DCC: variants seen among roughly 807,000 people sequenced by gnomAD.
The protein encoded by DCC is DCC netrin 1 receptor.
Under a neutral mutation model 172.5 loss-of-function variants are expected in DCC, and 58 were observed. The ratio of observed to expected loss-of-function variants is 0.34; its 90% confidence interval spans 0.27 to 0.42. The LOEUF (loss-of-function observed/expected upper bound fraction) is 0.42, where lower values mean the gene tolerates loss of function less well. DCC is among the 10% of genes least tolerant of loss of function. The probability of loss-of-function intolerance (pLI) is 1.00; values close to 1 mark genes in which losing one functional copy is unlikely to be tolerated. For missense variants in DCC, 1,740 were observed against 1,791.0 expected (o/e 0.97, Z 0.51); for synonymous variants, 709 against 644.5 (o/e 1.10, Z -1.52).
At chr18:52,678,789 T>A (rs531989889) in intron 1 of DCC, among the ~76,000 whole-genome samples, 1 of 152,210 alleles carries the variant, frequency 6.6e-6, no homozygotes, top group African/African-American at 2.4e-5. Context: ...GCCTTCATTA[T>A]CCCCTTTCTG....
chr18:52,970,123 T>TA (rs1413748744), intron 5 of DCC, among the ~76,000 whole-genome samples: 1 of 152,132 alleles, frequency 6.6e-6, no homozygotes, highest in Non-Finnish European at 1.5e-5. Flanking sequence ...TAAATGCTCC[T>TA]AGGAAGATAT....
At chr18:53,221,040 G>T (rs1409754506) in intron 12 of DCC, among the ~76,000 whole-genome samples, 2 of 152,004 alleles carry the variant, frequency 1.3e-5, no homozygotes, top group Admixed American at 1.3e-4. Context: ...ATAAGATTGT[G>T]TTTGGTCTAT....
intron 2 of DCC, among the ~76,000 whole-genome samples, chr18:52,824,720 C>T (rs986187236): frequency 1.3e-5 from 2 of 152,058 alleles, no homozygotes; most frequent in Non-Finnish European, 2.9e-5. Flanking sequence ...CCTGTAATCC[C>T]AGCACTTTGG....
chr18:53,434,876 A>G (rs1391477662), intron 21 of DCC, among the ~76,000 whole-genome samples: 1 of 152,228 alleles, frequency 6.6e-6, no homozygotes, highest in East Asian at 1.9e-4. Context: ...GACTTTAATA[A>G]GAATATTGGG....
intron 1 of DCC, among the ~76,000 whole-genome samples, chr18:52,673,098 G>A (rs2035583008): frequency 6.6e-6 from 1 of 152,150 alleles, no homozygotes; most frequent in Admixed American, 6.5e-5. Flanking sequence ...TTAATTTAGT[G>A]TATTTTGTAT....
intron 2 of DCC, among the ~76,000 whole-genome samples, chr18:52,869,936 G>A (rs1002157163): frequency 1.3e-4 from 20 of 152,294 alleles, no homozygotes; most frequent in African/African-American, 3.6e-4. Flanking sequence ...TGGGTCCTGC[G>A]ACAGGGAGGG....
At chr18:53,397,790 A>G (rs1428599270) in intron 18 of DCC, among the ~76,000 whole-genome samples, 1 of 152,156 alleles carries the variant, frequency 6.6e-6, no homozygotes, top group African/African-American at 2.4e-5. Flanking sequence ...TCTTTGAACA[A>G]TTGTCATGGT....
At chr18:52,471,052 A>G (rs1456166139) in intron 1 of DCC, among the ~76,000 whole-genome samples, 2 of 152,192 alleles carry the variant, frequency 1.3e-5, no homozygotes, top group Non-Finnish European at 2.9e-5. Flanking sequence ...CACGCTGAGA[A>G]TAGAATATCA....
At position 53,164,397 on chromosome 18, in the gene DCC, C is replaced by T. The variant is rs545111389; in HGVS notation, c.1418+6885C>T. On this transcript the variant is annotated intron_variant, in intron 8 of 28. Coordinates refer to ENST00000442544, the MANE Select transcript of DCC (RefSeq NM_005215.4). The stretch of plus-strand genomic sequence containing the variant: ...AGTAGCTAGGACTACAGGTGCATGC[C>T]GCCATGCCTGGCTAAGTTTTTGTAT... Among the ~76,000 whole-genome samples the T allele has an allele frequency of 1.6e-4, 24 of 152,170 alleles. No homozygotes were observed. In the South Asian group the frequency reaches 1.7e-3, roughly 11 times the overall value.
chr18:53,402,359 C>T (rs769017328), intron 18 of DCC, among the ~76,000 whole-genome samples: 1 of 150,104 alleles, frequency 6.7e-6, no homozygotes, highest in Non-Finnish European at 1.5e-5. Context: ...CACTGCACTC[C>T]AGCCTAGGTA....
rs549298112 is a variant in DCC at position 52,340,632 on chromosome 18, GGAGGTGGAGAAA to G, written c.-146_-135del. On this transcript the variant is annotated 5_prime_UTR_variant, in exon 1 of 29. Transcript: ENST00000442544. ...GCTTCGAAGGCAGCAGAGGCGCAGGGGAGGTGGAGAAAGAGGTGGAGGAAGAGGACGAGGAGG... is the reference window on the plus strand; with the variant it reads ...GCTTCGAAGGCAGCAGAGGCGCAGGGGAGGTGGAGGAAGAGGACGAGGAGG... 36 of 750,416 alleles carry G rather than the reference GGAGGTGGAGAAA, an allele frequency of 4.8e-5. No homozygotes were observed. In the East Asian group the frequency reaches 5.4e-4, roughly 11 times the overall value. 46.5% of individuals were successfully genotyped at this position (750,416 alleles called of 1,614,324 possible). A position where few individuals can be genotyped will look rare whatever the true frequency, so the allele number is the denominator to read the frequency against.
chr18:53,106,436 G>T (rs1020900113), intron 7 of DCC, among the ~76,000 whole-genome samples: 1 of 151,906 alleles, frequency 6.6e-6, no homozygotes, highest in Non-Finnish European at 1.5e-5. Context: ...TCCAGGTCCA[G>T]AATTCATGTT....
intron 1 of DCC, among the ~76,000 whole-genome samples, chr18:52,378,096 C>T (rs1766147559): frequency 6.6e-6 from 1 of 151,942 alleles, no homozygotes; most frequent in South Asian, 2.1e-4. Context: ...TGTAGACTAT[C>T]TGTGAAGCAA....
At chr18:52,940,714 A>G (rs1312866417) in intron 5 of DCC, among the ~76,000 whole-genome samples, 1 of 152,190 alleles carries the variant, frequency 6.6e-6, no homozygotes, top group Non-Finnish European at 1.5e-5. Context: ...TGATATGATG[A>G]TGTACTCTTT....
intron 2 of DCC, among the ~76,000 whole-genome samples, chr18:52,841,422 A>G (rs1450988577): frequency 6.6e-6 from 1 of 152,010 alleles, no homozygotes; most frequent in Non-Finnish European, 1.5e-5. Context: ...TTTTAAACTA[A>G]AATGTCTCTA....
intron 1 of DCC, among the ~76,000 whole-genome samples, chr18:52,528,660 G>T (rs2144679447): frequency 6.6e-6 from 1 of 151,934 alleles, no homozygotes; most frequent in Non-Finnish European, 1.5e-5. Flanking sequence ...TTCATCATCA[G>T]GGAGATAGCA....
At chr18:52,341,266 C>A (rs1598846607) in intron 1 of DCC, among the ~76,000 whole-genome samples, 2 of 152,054 alleles carry the variant, frequency 1.3e-5, no homozygotes, top group East Asian at 1.9e-4. Flanking sequence ...CAGGAGCAGG[C>A]GAGGAGGACA....
chr18:53,226,948 A>ATATATATATATATTTTTTTTTTT, intron 12 of DCC, among the ~76,000 whole-genome samples: 14 of 52,950 alleles, frequency 2.6e-4, no homozygotes, highest in Non-Finnish European at 4.4e-4. Flanking sequence ...ATATATATAT[A>ATATATATATATATTTTTTTTTTT]TTTTTTTTTT....
In DCC at chr18:53,012,622, T is replaced by C. The variant is rs370136917; in HGVS notation, c.986-50683T>C. Among the ~76,000 whole-genome samples the C allele has an allele frequency of 1.4e-4, 22 of 152,182 alleles. 1 individual carries two copies. In the East Asian group the frequency reaches 3.1e-3, roughly 21 times the overall value. ...ATAAATATACACACACATACACATATGAATATTAATCATGTGATACAGTTA... is the reference window on the plus strand; with the variant it reads ...ATAAATATACACACACATACACATACGAATATTAATCATGTGATACAGTTA... On this transcript the variant is annotated intron_variant, in intron 5 of 28. Coordinates refer to ENST00000442544, the MANE Select transcript of DCC (RefSeq NM_005215.4).
Sources: gnomAD v4.1 joint callset for allele counts (sites outside exome capture counted in the v4.1 genomes callset) on GRCh38, gnomAD v4.1.1 for gene constraint, MANE v1.5 for transcripts, NCBI Gene and HGNC (gene_info 2026-07-23, HGNC 2026-07-21) for gene names.